DNAH12: variants seen among roughly 807,000 people sequenced by gnomAD.
DNAH12 encodes dynein axonemal heavy chain 12, also known as axonemal beta dynein heavy chain 12.
In DNAH12, 285 loss-of-function variants were observed where a neutral mutation model predicts 371.5. The ratio of observed to expected loss-of-function variants is 0.77; its 90% confidence interval spans 0.70 to 0.85. The LOEUF (loss-of-function observed/expected upper bound fraction) is 0.85, where lower values mean the gene tolerates loss of function less well. DNAH12 is among the 40% of genes least tolerant of loss of function. DNAH12 has a pLI of 0.00. For synonymous variants in DNAH12, 1,200 were observed against 1,213.0 expected (o/e 0.99, Z 0.22); for missense variants, 3,611 against 3,689.4 (o/e 0.98, Z 0.55).
chr3:57,366,036 T>C (rs2063045132), intron 57 of DNAH12, among the ~76,000 whole-genome samples: 2 of 152,238 alleles, frequency 1.3e-5, no homozygotes, highest in South Asian at 4.1e-4. Context: ...ACCTACTGGA[T>C]TGCATTCCCA....
chr3:57,478,831 A>G (rs1185114886), intron 13 of DNAH12, among the ~76,000 whole-genome samples: 1 of 152,182 alleles, frequency 6.6e-6, no homozygotes, highest in East Asian at 1.9e-4. Context: ...ACTAAGCTTC[A>G]TAAGTGAAGG....
chr3:57,520,162 G>T (rs2068364067), intron 4 of DNAH12, among the ~76,000 whole-genome samples: 1 of 152,048 alleles, frequency 6.6e-6, no homozygotes, highest in South Asian at 2.1e-4. Context: ...GCCCAGACTG[G>T]AGTGCAGTGG....
intron 62 of DNAH12, among the ~76,000 whole-genome samples, chr3:57,330,718 A>T (rs1200265624): frequency 3.2e-5 from 2 of 61,600 alleles, no homozygotes; most frequent in Non-Finnish European, 2.7e-5. Context: ...TATAATAATT[A>T]AAAAAAAAAA....
intron 62 of DNAH12, among the ~76,000 whole-genome samples, chr3:57,324,763 C>A (rs375072415): frequency 6.6e-6 from 1 of 152,188 alleles, no homozygotes; most frequent in East Asian, 1.9e-4. Flanking sequence ...CGAAGCAGGG[C>A]GAGGCATTGC....
intron 55 of DNAH12, among the ~76,000 whole-genome samples, chr3:57,370,141 T>C (rs2063138343): frequency 6.6e-6 from 1 of 152,188 alleles, no homozygotes; most frequent in Non-Finnish European, 1.5e-5. Flanking sequence ...GAAAATAAGC[T>C]TTGCTGTTAA....
intron 13 of DNAH12, among the ~76,000 whole-genome samples, chr3:57,479,405 A>C (rs1287487007): frequency 6.6e-6 from 1 of 152,210 alleles, no homozygotes; most frequent in Admixed American, 6.6e-5. Flanking sequence ...ATACAGGAGC[A>C]CCCAGATTCA....
chr3:57,507,785 G>T lies in DNAH12; in HGVS notation c.755C>A (p.Thr252Asn). Residue 252 changes from threonine (T) to asparagine (N), a missense_variant, in exon 8 of 74, where the codon ACT becomes AAT. Thr to Asn is a moderately conservative substitution (Grantham distance 65, BLOSUM62 0). Around this residue, in one of 3 missense-constraint regions of DNAH12, gnomAD observed 1,314 missense variants for 1,398.7 expected, o/e 0.94. Transcript: ENST00000495027. ...ESLKTDLSIQ[T>N]RNAEEKIMNT... ...CATTATCTTCTCTTCTGCGTTTCTA[G>T]TTTGTATTGATAGATCAGTTTTCAG... is the stretch of plus-strand genomic sequence containing the variant. The T allele has an allele frequency of 1.9e-6, 3 of 1,605,520 alleles. No homozygotes were observed. The highest frequency in any genetic ancestry group is 2.5e-6 in the Non-Finnish European group (3 of 1,178,522).
chr3:57,427,189 T>C (rs997329934), intron 34 of DNAH12, among the ~76,000 whole-genome samples: 3 of 134,980 alleles, frequency 2.2e-5, no homozygotes, highest in Non-Finnish European at 4.7e-5. Flanking sequence ...ATGGTGGAAA[T>C]GGTTGAACAA....
chr3:57,298,195 G>T (rs911766570), intron 70 of DNAH12, among the ~76,000 whole-genome samples: 13 of 152,186 alleles, frequency 8.5e-5, no homozygotes, highest in Non-Finnish European at 1.5e-4. Flanking sequence ...ACCTAGCCAT[G>T]CAGGGTAGGC....
intron 43 of DNAH12, among the ~76,000 whole-genome samples, chr3:57,398,423 T>C (rs2063789301): frequency 6.6e-6 from 1 of 152,178 alleles, no homozygotes; most frequent in African/African-American, 2.4e-5. Context: ...GAAGTGGATA[T>C]AAAAATTCCA....
intron 1 of DNAH12, among the ~76,000 whole-genome samples, chr3:57,543,452 A>G (rs1369548557): frequency 6.7e-6 from 1 of 148,262 alleles, no homozygotes; most frequent in Non-Finnish European, 1.5e-5. Context: ...CCTCCCGAGT[A>G]GCTAGGACTA....
chr3:57,510,523 C>G (rs532533753), intron 5 of DNAH12, among the ~76,000 whole-genome samples: 2 of 152,050 alleles, frequency 1.3e-5, no homozygotes, highest in African/African-American at 4.8e-5. Context: ...GCCTGAAGTT[C>G]CAGGTACTCG....
intron 32 of DNAH12, among the ~76,000 whole-genome samples, chr3:57,432,628 T>C (rs181425465): frequency 1.5e-4 from 23 of 152,236 alleles, no homozygotes; most frequent in African/African-American, 5.1e-4. Context: ...ACTACAGTAA[T>C]ATGAACATCA....
chr3:57,389,798 A>ATGTGTGTGTGTGTGTGTGTGTGTGTGTG, intron 45 of DNAH12, among the ~76,000 whole-genome samples: 1 of 92,604 alleles, frequency 1.1e-5, no homozygotes, highest in South Asian at 4.0e-4. Flanking sequence ...ATATACACAT[A>ATGTGTGTGTGTGTGTGTGTGTGTGTGTG]TGTGTGTGTG....
intron 2 of DNAH12, among the ~76,000 whole-genome samples, chr3:57,534,644 GA>G (rs1478890515): frequency 6.6e-6 from 1 of 151,636 alleles, no homozygotes; most frequent in Admixed American, 6.6e-5. Flanking sequence ...AAGTAGCTGA[GA>G]TTACAGGCAT....
intron 55 of DNAH12, among the ~76,000 whole-genome samples, chr3:57,368,990 C>T (rs996329583): frequency 1.8e-4 from 28 of 151,798 alleles, no homozygotes; most frequent in African/African-American, 6.5e-4. Flanking sequence ...GCAGATCACC[C>T]GATGTCAGGA....
chr3:57,554,282 A>G, the DNAH12 span, among the ~76,000 whole-genome samples: 1 of 94,838 alleles, frequency 1.1e-5, no homozygotes, highest in South Asian at 2.5e-4. Context: ...GTGAGGCTCC[A>G]TCTCAAAAAT....
chr3:57,510,250 TA>T (rs995532061), intron 5 of DNAH12, among the ~76,000 whole-genome samples: 4 of 151,704 alleles, frequency 2.6e-5, no homozygotes, highest in African/African-American at 9.7e-5. Context: ...AGTTAGCTAA[TA>T]AAAAAAATAC....
intron 19 of DNAH12, among the ~76,000 whole-genome samples, chr3:57,460,687 A>C (rs2066031078): frequency 6.6e-6 from 1 of 152,194 alleles, no homozygotes; most frequent in Admixed American, 6.5e-5. Context: ...GAATAATGAC[A>C]GCCAAAATCT....
Sources: allele counts gnomAD v4.1 joint callset (sites outside exome capture counted in the v4.1 genomes callset), GRCh38; gene constraint gnomAD v4.1.1; regional missense constraint gnomAD v4.1.1; transcripts MANE v1.5; gene names NCBI Gene and HGNC (gene_info 2026-07-23, HGNC 2026-07-21).